ZNF564: variants seen among roughly 807,000 people sequenced by gnomAD.
ZNF564 encodes zinc finger protein 564.
Under a neutral mutation model 10.5 loss-of-function variants are expected in ZNF564, and 5 were observed. The observed-to-expected ratio is 0.48, with a 90% CI of 0.25 to 1.00. ZNF564 has a LOEUF of 1.00. Among genes scored for constraint, ZNF564 ranks in the 50% least tolerant of loss-of-function variants. The probability of loss-of-function intolerance (pLI) is 0.16; values close to 1 mark genes in which losing one functional copy is unlikely to be tolerated. For synonymous variants in ZNF564, 242 were observed against 218.1 expected (o/e 1.11, Z -0.97); for missense variants, 603 against 669.7 (o/e 0.90, Z 1.10).
chr19:12,543,873 C>A (rs889498247), intron 1 of ZNF564, among the ~76,000 whole-genome samples: 1 of 152,012 alleles, frequency 6.6e-6, no homozygotes, highest in South Asian at 2.1e-4. Flanking sequence ...GGTTAGAGAC[C>A]ATGAGGGTGG....
At chr19:12,537,936 A>G (rs961360268) in intron 1 of ZNF564, among the ~76,000 whole-genome samples, 3 of 152,006 alleles carry the variant, frequency 2.0e-5, no homozygotes, top group Non-Finnish European at 4.4e-5. Flanking sequence ...GTAAAATCAC[A>G]TAATTTGTGA....
In ZNF564 at chr19:12,526,970, C is replaced by G. The variant is rs771283258; in HGVS notation, c.1138G>C (p.Val380Leu). ...CGKAFISLPS[V>L]RRHMIKHTGD... is the part of the protein sequence containing the mutation. ...GTGTGCTTTATCATGTGTCTTCGGA[C>G]ACTTGGGAGAGAAATGAAGGCTTTC... Residue 380 changes from valine to leucine, a missense_variant, in exon 4 of 4, where the codon GTC becomes CTC. By Grantham distance (32) the Val-to-Leu change is conservative. Transcript: ENST00000339282. 1.5e-5 allele frequency: 24 copies of G among 1,611,614 alleles called. 1 individual carries two copies. In the South Asian group the frequency reaches 2.6e-4, roughly 18 times the overall value.
chr19:12,542,166 G>A (rs1025107886), intron 1 of ZNF564, among the ~76,000 whole-genome samples: 27 of 151,580 alleles, frequency 1.8e-4, no homozygotes, highest in African/African-American at 5.1e-4. Context: ...AAAATTAGCC[G>A]GGTATGGTGG....
intron 1 of ZNF564, chr19:12,550,117 A>C (rs2022224286): frequency 6.6e-6 from 1 of 150,880 alleles, no homozygotes; most frequent in African/African-American, 2.4e-5. Flanking sequence ...ACATGGAGAA[A>C]CCCTGTCTCT....
chr19:12,551,287 A>T (rs765482858), intron 1 of ZNF564, 43 bp downstream of exon 1: 3 of 1,596,060 alleles, frequency 1.9e-6, no homozygotes, highest in Middle Eastern at 1.7e-4. Context: ...GGTTCCCACA[A>T]GCCCCTCCCC....
intron 1 of ZNF564, 122 bp downstream of exon 1, chr19:12,551,208 G>C (rs1403361279): frequency 8.5e-7 from 1 of 1,170,342 alleles, no homozygotes; most frequent in African/African-American, 1.5e-5. Flanking sequence ...AGCTGCGCCA[G>C]GGAACTCGGG....
At position 12,527,417 on chromosome 19, in the gene ZNF564, C is replaced by T. The variant is rs1349958982; in HGVS notation, c.691G>A (p.Ala231Thr). 6.2e-7 allele frequency: 1 copy of T among 1,613,996 alleles called. No homozygotes were observed. Among genetic ancestry groups the T allele is most frequent in the African/African-American group, 1.3e-5 (1 of 74,914 alleles). ...GEKPYECQEC[A>T]KAFISLPSFQ... is the part of the protein sequence containing the mutation. ...CTTGGAAGAGAAATGAAAGCTTTTG[C>T]ACATTCCTGACATTCATAGGGTTTC... Residue 231 changes from alanine to threonine, a missense_variant, in exon 4 of 4, where the codon GCA (alanine) becomes ACA (threonine). Transcript: ENST00000339282.
intron 1 of ZNF564, among the ~76,000 whole-genome samples, chr19:12,534,503 G>C (rs1319762418): frequency 6.6e-6 from 1 of 152,120 alleles, no homozygotes; most frequent in Non-Finnish European, 1.5e-5. Context: ...TTGGAAGATG[G>C]TCAGTTTCTT....
chr19:12,527,931 A>G lies in ZNF564; in HGVS notation c.192-15T>C, dbSNP rs1226029982. ...CCATATGATTTCTGGAAAAAATAGAAAGCAAGATTTAGTGGTTTGTGACTT... is the reference window on the plus strand; with the variant it reads ...CCATATGATTTCTGGAAAAAATAGAGAGCAAGATTTAGTGGTTTGTGACTT... On this transcript the variant is annotated splice_polypyrimidine_tract_variant and intron_variant, in intron 3 of 3. Coordinates refer to ENST00000339282, the MANE Select transcript of ZNF564 (RefSeq NM_144976.4). 1.3e-6 allele frequency: 2 copies of G among 1,564,934 alleles called. No individual in the cohort carries two copies. The highest frequency in any genetic ancestry group is 2.4e-5 in the South Asian group (2 of 82,294).
intron 1 of ZNF564, among the ~76,000 whole-genome samples, chr19:12,539,258 A>C (rs1048010998): frequency 2.0e-5 from 3 of 151,360 alleles, no homozygotes; most frequent in African/African-American, 7.3e-5. Flanking sequence ...AAAAAAAAAA[A>C]ATAGGGGAGG....
At chr19:12,530,784 A>T (rs1158356844) in intron 1 of ZNF564, among the ~76,000 whole-genome samples, 1 of 152,130 alleles carries the variant, frequency 6.6e-6, no homozygotes, top group Non-Finnish European at 1.5e-5. Flanking sequence ...TGGTTTTCTT[A>T]GAAATGGGAA....
In ZNF564 at chr19:12,526,744, C is replaced by T; in HGVS notation, c.1364G>A (p.Gly455Asp). The T allele has an allele frequency of 6.2e-7, 1 of 1,614,200 alleles. No homozygotes were observed. The highest frequency in any genetic ancestry group is 8.5e-7 in the Non-Finnish European group (1 of 1,180,042). ...GDGPYKCQVCGKAFDCPSSVR... is the reference protein window; with the variant it reads ...GDGPYKCQVCDKAFDCPSSVR... ...AGAACTAGGACAGTCAAAGGCTTTA[C>T]CACATACCTGACATTTATAAGGTCC... Residue 455 changes from glycine to aspartate, a missense_variant, in exon 4 of 4, where the codon GGT becomes GAT. Coordinates refer to ENST00000339282, the MANE Select transcript of ZNF564 (RefSeq NM_144976.4).
rs993936665 is a variant in ZNF564, at chr19:12,546,313, A to G, written c.3+5017T>C. On this transcript the variant is annotated intron_variant, in intron 1 of 3. Coordinates refer to ENST00000339282, the MANE Select transcript of ZNF564 (RefSeq NM_144976.4). ...TTACCCAAGCTCTATAATCCTACAG[A>G]ATAGCTATGATTAAAACACTCTCCA... Among the ~76,000 whole-genome samples the G allele has an allele frequency of 3.3e-5, 5 of 152,282 alleles. No homozygotes were observed. In the East Asian group the frequency reaches 5.8e-4, roughly 18 times the overall value.
At chr19:12,539,675 C>CA (rs202185038) in intron 1 of ZNF564, among the ~76,000 whole-genome samples, 1,068 of 100,660 alleles carry the variant, frequency 0.011, 14 homozygotes, top group African/African-American at 0.025. Context: ...CTCAAAAAGA[C>CA]AAAAAAGAAA....
chr19:12,534,854 CA>C (rs1236617344), intron 1 of ZNF564, among the ~76,000 whole-genome samples: 2 of 152,018 alleles, frequency 1.3e-5, no homozygotes, highest in African/African-American at 4.8e-5. Context: ...TATAACCTAA[CA>C]ATCATGCTCC....
rs1390406950 is a variant in ZNF564, at chr19:12,551,424, G to A, written c.-92C>T. The A allele has an allele frequency of 2.1e-6, 3 of 1,462,010 alleles. No homozygotes were observed. Among genetic ancestry groups the A allele is most frequent in the East Asian group, 5.5e-5 (2 of 36,600 alleles). 90.6% of individuals were successfully genotyped at this position (1,462,010 alleles called of 1,614,324 possible). ...CGCCAGACGCTGCGGTGGAGCCACCGGGGCCACTGGAGAAGCGGAGACCGG... is the reference window on the plus strand; with the variant it reads ...CGCCAGACGCTGCGGTGGAGCCACCAGGGCCACTGGAGAAGCGGAGACCGG... On this transcript the variant is annotated 5_prime_UTR_variant, in exon 1 of 4. Transcript: ENST00000339282.
At chr19:12,529,054 G>A (rs998036588) in intron 1 of ZNF564, among the ~76,000 whole-genome samples, 3 of 152,142 alleles carry the variant, frequency 2.0e-5, no homozygotes, top group Non-Finnish European at 4.4e-5. Flanking sequence ...GACAGAGAGA[G>A]ACCCCATCTC....
chr19:12,543,039 G>A (rs938124811), intron 1 of ZNF564, among the ~76,000 whole-genome samples: 2 of 152,068 alleles, frequency 1.3e-5, no homozygotes, highest in Non-Finnish European at 2.9e-5. Flanking sequence ...GGTGGCTCAC[G>A]CCTGTAATCC....
Position 12,526,945 on chromosome 19 carries a change from G to A in ZNF564, c.1163C>T (p.Thr388Ile). The A allele has an allele frequency of 1.2e-6, 2 of 1,614,130 alleles. No individual in the cohort carries two copies. The highest frequency in any genetic ancestry group is 1.7e-6 in the Non-Finnish European group (2 of 1,180,040). ...PSVRRHMIKH[T>I]GDGPYKCQVC... ...CTGACATTTATAAGGTCCATCTCCA[G>A]TGTGCTTTATCATGTGTCTTCGGAC... is the stretch of plus-strand genomic sequence containing the variant. Residue 388 changes from threonine to isoleucine, a missense_variant, in exon 4 of 4, where the codon ACT (threonine) becomes ATT (isoleucine). Transcript: ENST00000339282.
Sources: gnomAD v4.1 joint callset for allele counts (sites outside exome capture counted in the v4.1 genomes callset) on GRCh38, gnomAD v4.1.1 for gene constraint, MANE v1.5 for transcripts, NCBI Gene and HGNC (gene_info 2026-07-23, HGNC 2026-07-21) for gene names.